The following IARS1 variants were observed in gnomAD, a reference collection of about 807,000 sequenced individuals.
IARS1 encodes isoleucine--tRNA ligase, cytoplasmic.
Under a neutral mutation model 168.2 loss-of-function variants are expected in IARS1, and 124 were observed. The ratio of observed to expected loss-of-function variants is 0.74; its 90% CI spans 0.64 to 0.86. The LOEUF (loss-of-function observed/expected upper bound fraction) is 0.86, where lower values mean the gene tolerates loss of function less well. Among genes scored for constraint, IARS1 ranks in the 40% least tolerant of loss-of-function variants. The pLI, the probability that IARS1 is intolerant of heterozygous loss-of-function variation, is 0.00. For missense variants in IARS1, 1,452 were observed against 1,515.8 expected (o/e 0.96, Z 0.70); for synonymous variants, 532 against 529.4 (o/e 1.00, Z -0.07).
At chr9:92,277,566 T>C (rs1174274348) in intron 9 of IARS1, among the ~76,000 whole-genome samples, 1 of 151,812 alleles carries the variant, frequency 6.6e-6, no homozygotes, top group Non-Finnish European at 1.5e-5. Flanking sequence ...TAGTCCCAGC[T>C]ACTCGGGATG....
chr9:92,287,755 T>G, intron 4 of IARS1, 36 bp downstream of exon 4: 2 of 1,592,428 alleles, frequency 1.3e-6, no homozygotes, highest in South Asian at 2.3e-5. Flanking sequence ...AGTAACTACA[T>G]TTGCTGTTCA....
At position 92,247,424 on chromosome 9, in the gene IARS1, G is replaced by T; in HGVS notation, c.2744C>A (p.Ser915Tyr). 1 of 1,614,146 alleles carries T rather than the reference G, an allele frequency of 6.2e-7. No homozygotes were observed. The highest frequency in any genetic ancestry group is 8.5e-7 in the Non-Finnish European group (1 of 1,180,026). The stretch of plus-strand genomic sequence containing the variant: ...CTCCTCACTGCTCAACTGCTTGATG[G>T]ACGTCATCACTGCCTTAAAGGCTCC... Reference protein sequence around the residue: ...LKGAFKAVMTSIKQLSSEELE... With the variant: ...LKGAFKAVMTYIKQLSSEELE... Residue 915 changes from serine (S) to tyrosine (Y), a missense_variant, in exon 26 of 34, where the codon TCC becomes TAC. Coordinates refer to ENST00000443024, the MANE Select transcript of IARS1 (RefSeq NM_002161.6).
chr9:92,261,544 C>T (rs3996311), intron 17 of IARS1, among the ~76,000 whole-genome samples: 88,712 of 151,924 alleles, frequency 0.58, 28,469 homozygotes, highest in African/African-American at 0.86. Context: ...ACACGATAGC[C>T]GTATACAGGT....
chr9:92,255,821 G>T (rs1830637275), intron 20 of IARS1, among the ~76,000 whole-genome samples: 1 of 152,020 alleles, frequency 6.6e-6, no homozygotes, highest in Non-Finnish European at 1.5e-5. Flanking sequence ...ATGGCACAAT[G>T]GGGTGATTTC....
At chr9:92,268,379 T>C (rs1832581463) in intron 13 of IARS1, 79 bp from the exon 14 acceptor site, 2 of 1,429,780 alleles carry the variant, frequency 1.4e-6, no homozygotes, top group Non-Finnish European at 1.9e-6. Context: ...ACAGGAGCCT[T>C]TGTATAACGC....
chr9:92,238,316 T>A (rs1827855347), intron 30 of IARS1, among the ~76,000 whole-genome samples: 1 of 152,206 alleles, frequency 6.6e-6, no homozygotes, highest in Non-Finnish European at 1.5e-5. Context: ...AAAGTGGGGC[T>A]TAGTGGGAGG....
Position 92,222,523 on chromosome 9 carries a change from G to A in IARS1, c.3703C>T (p.Gln1235Ter). 2 of 1,613,528 alleles carry A rather than the reference G, an allele frequency of 1.2e-6. No homozygotes were observed. Among genetic ancestry groups the A allele is most frequent in the South Asian group, 2.2e-5 (2 of 90,944 alleles). Residue 1235 changes from glutamine to a stop codon, truncating the protein, a stop_gained, in exon 33 of 34, where the codon CAG becomes TAG. Coordinates refer to ENST00000443024, the MANE Select transcript of IARS1 (RefSeq NM_002161.6). LOFTEE classifies it high-confidence loss of function. ...LKLFLNETQT[Q>*]EITEDIPVKT... Reference sequence around the variant, plus strand: ...TTACGGTCCACAATCTCCTTACCCTGCGTTTGGGTCTCATTCAGAAACAGC... The same window carrying A: ...TTACGGTCCACAATCTCCTTACCCTACGTTTGGGTCTCATTCAGAAACAGC...
rs75415996 is a variant in IARS1, at chr9:92,247,426, C to G, written c.2742G>C (p.Thr914=). 1,825 of 1,614,182 alleles carry G rather than the reference C, an allele frequency of 1.1e-3. 31 individuals carry two copies. The East Asian group carries it at 0.033, about 29-fold the overall frequency. ...CCTCACTGCTCAACTGCTTGATGGA[C>G]GTCATCACTGCCTTAAAGGCTCCCT... is the stretch of plus-strand genomic sequence containing the variant. ...RLKGAFKAVM[T]SIKQLSSEEL... Residue 914 remains threonine, a synonymous_variant, in exon 26 of 34, where the codon ACG becomes ACC. Coordinates refer to ENST00000443024, the MANE Select transcript of IARS1 (RefSeq NM_002161.6).
chr9:92,288,064 T>A (rs939072930), intron 3 of IARS1, 62 bp downstream of exon 3: 2 of 1,551,442 alleles, frequency 1.3e-6, no homozygotes, highest in Admixed American at 1.9e-5. Flanking sequence ...ACATATTATA[T>A]GACAAAATCT....
In IARS1 at chr9:92,250,945, C is replaced by CA. The variant is rs1829929278; in HGVS notation, c.2308-112dup. 258 of 1,160,664 alleles carry CA rather than the reference C, an allele frequency of 2.2e-4. 3 individuals are homozygous for CA. The South Asian group carries it at 3.7e-3, about 17-fold the overall frequency. 71.9% of individuals were successfully genotyped at this position (1,160,664 alleles called of 1,614,324 possible). ...TAGAGAATGACACAGTAATAGGCACCAAAATGAGCATGAGGTTACAAAACA... is the reference window on the plus strand; with the variant it reads ...TAGAGAATGACACAGTAATAGGCACCAAAAATGAGCATGAGGTTACAAAACA... On this transcript the variant is annotated intron_variant, in intron 22 of 33. Transcript: ENST00000443024.
chr9:92,254,211 G>A (rs1460179319), intron 20 of IARS1, among the ~76,000 whole-genome samples: 6 of 152,166 alleles, frequency 3.9e-5, no homozygotes, highest in Non-Finnish European at 8.8e-5. Context: ...TGAGGAATTA[G>A]GAGGATTTGA....
In IARS1 at chr9:92,223,457, T is replaced by A. The variant is rs764169503; in HGVS notation, c.3442A>T (p.Ser1148Cys). The change falls in exon 32 of 34, where the codon AGT becomes TGT. Residue 1148 changes from serine to cysteine, a missense_variant. Ser to Cys is a moderately radical substitution (Grantham distance 112, BLOSUM62 -1). Coordinates refer to ENST00000443024, the MANE Select transcript of IARS1 (RefSeq NM_002161.6). ...GCAGTCACACAAAGTGTTTTTCCAC[T>A]AAGACTCAGTAAGTCAGTTTGGTTT... ...IQNQTDLLSL[S>C]GKTLCVTAGS... 8 of 1,613,882 alleles carry A rather than the reference T, an allele frequency of 5.0e-6. No homozygotes were observed.
intron 30 of IARS1, among the ~76,000 whole-genome samples, chr9:92,233,083 A>G (rs1322551032): frequency 6.6e-6 from 1 of 152,242 alleles, no homozygotes; most frequent in Non-Finnish European, 1.5e-5. Context: ...ATGAAGAGAA[A>G]CAGTAAACAA....
chr9:92,242,064 A>T, intron 29 of IARS1, 90 bp downstream of exon 29: 1 of 964,414 alleles, frequency 1.0e-6, no homozygotes, highest in Non-Finnish European at 1.6e-6. Context: ...GCCGATCTCT[A>T]CTGTGGGACA....
At chr9:92,225,574 ATT>A (rs35209758) in intron 31 of IARS1, among the ~76,000 whole-genome samples, 7 of 144,206 alleles carry the variant, frequency 4.9e-5, no homozygotes, top group East Asian at 2.1e-4. Context: ...TAAAAGTGTG[ATT>A]TTTTTTTTTT....
At chr9:92,241,035 G>GT (rs1393768889) in intron 29 of IARS1, 74 bp from the exon 30 acceptor site, 1 of 804,184 alleles carries the variant, frequency 1.2e-6, no homozygotes, top group Non-Finnish European at 2.2e-6. Flanking sequence ...GTGTAACACA[G>GT]TGACTTCTCA....
chr9:92,226,310 T>G (rs1328063849), intron 31 of IARS1, among the ~76,000 whole-genome samples: 5 of 152,206 alleles, frequency 3.3e-5, no homozygotes, highest in African/African-American at 1.2e-4. Flanking sequence ...GCAATATCCC[T>G]GACAACATTT....
intron 6 of IARS1, among the ~76,000 whole-genome samples, chr9:92,281,586 C>T (rs565881169): frequency 1.3e-5 from 2 of 152,144 alleles, no homozygotes; most frequent in African/African-American, 2.4e-5. Context: ...CCAAAAAGAT[C>T]CTACTGAAGC....
chr9:92,232,274 G>C (rs531024445), intron 30 of IARS1, among the ~76,000 whole-genome samples: 1 of 152,222 alleles, frequency 6.6e-6, no homozygotes, highest in African/African-American at 2.4e-5. Context: ...TGGATATGTA[G>C]ATATTTTCCA....
Sources: gnomAD v4.1 joint callset for allele counts (sites outside exome capture counted in the v4.1 genomes callset) on GRCh38, gnomAD v4.1.1 for gene constraint, MANE v1.5 for transcripts, NCBI Gene and HGNC (gene_info 2026-07-23, HGNC 2026-07-21) for gene names.